TMEM117: variants seen among roughly 807,000 people sequenced by gnomAD.
TMEM117 encodes the protein transmembrane protein 117.
Under a neutral mutation model 52.4 loss-of-function variants are expected in TMEM117, and 27 were observed. That is an observed-to-expected ratio of 0.51 (90% CI 0.38 to 0.71). The LOEUF (loss-of-function observed/expected upper bound fraction) is 0.71, where lower values mean the gene tolerates loss of function less well. Among genes scored for constraint, TMEM117 ranks in the 30% least tolerant of loss-of-function variants. TMEM117 has a pLI of 0.00. For missense variants in TMEM117, 556 were observed against 630.5 expected, an observed-to-expected ratio of 0.88 and a Z score of 1.26; for synonymous variants, 215 against 206.3, an observed-to-expected ratio of 1.04 and a Z score of -0.36.
chr12:43,955,436 T>C (rs997713388), intron 3 of TMEM117, among the ~76,000 whole-genome samples: 15 of 152,320 alleles, frequency 9.8e-5, no homozygotes, highest in Non-Finnish European at 1.9e-4. Context: ...TAAACAACTT[T>C]AGTGAAGTAT....
chr12:43,889,647 T>G (rs1944066079), intron 2 of TMEM117, among the ~76,000 whole-genome samples: 1 of 152,190 alleles, frequency 6.6e-6, no homozygotes, highest in African/African-American at 2.4e-5. Flanking sequence ...GAAAGTAGGA[T>G]TTATCTTTTT....
intron 2 of TMEM117, among the ~76,000 whole-genome samples, chr12:43,862,132 A>G (rs774945271): frequency 2.3e-4 from 35 of 152,140 alleles, no homozygotes; most frequent in Non-Finnish European, 4.3e-4. Flanking sequence ...AGGGCCCTTA[A>G]CTGATCCTCA....
At chr12:44,316,412 A>G (rs1348219811) in intron 6 of TMEM117, among the ~76,000 whole-genome samples, 1 of 151,982 alleles carries the variant, frequency 6.6e-6, no homozygotes, top group African/African-American at 2.4e-5. Flanking sequence ...TAGGCCCCCA[A>G]TCTCTTCTGG....
At chr12:44,332,507 T>C (rs1292547677) in intron 6 of TMEM117, among the ~76,000 whole-genome samples, 1 of 152,064 alleles carries the variant, frequency 6.6e-6, no homozygotes, top group African/African-American at 2.4e-5. Flanking sequence ...AGATCCCTGT[T>C]GTAATCTAAG....
chr12:43,858,718 TAC>T (rs1943439672), intron 2 of TMEM117, among the ~76,000 whole-genome samples: 1 of 152,212 alleles, frequency 6.6e-6, no homozygotes, highest in Admixed American at 6.6e-5. Context: ...AACCAGCAAA[TAC>T]ACACAAACCT....
intron 4 of TMEM117, among the ~76,000 whole-genome samples, chr12:44,201,010 T>C (rs1209445535): frequency 2.0e-5 from 3 of 152,064 alleles, no homozygotes; most frequent in Non-Finnish European, 4.4e-5. Flanking sequence ...CCAGCAGAAG[T>C]TGGAAGAGTC....
chr12:44,079,135 T>C (rs1484614147), intron 3 of TMEM117, among the ~76,000 whole-genome samples: 2 of 152,098 alleles, frequency 1.3e-5, no homozygotes, highest in African/African-American at 4.8e-5. Flanking sequence ...TGGGTTGGTT[T>C]CAAGTCTTTG....
At chr12:43,840,097 A>C (rs1211883115) in intron 1 of TMEM117, among the ~76,000 whole-genome samples, 1 of 152,178 alleles carries the variant, frequency 6.6e-6, no homozygotes, top group Non-Finnish European at 1.5e-5. Flanking sequence ...TTTTAATATC[A>C]GATGGCTTTA....
chr12:44,123,244 GT>G lies in TMEM117; in HGVS notation c.411-20271del, dbSNP rs146192762. ...TGTCCTTTGCCTACTTTTTAATGGGGTTTTTTTTTTCTCGTAAATTTGTTTA... is the reference window on the plus strand; with the variant it reads ...TGTCCTTTGCCTACTTTTTAATGGGGTTTTTTTTTCTCGTAAATTTGTTTA... On this transcript the variant is annotated intron_variant, in intron 3 of 7. Coordinates refer to ENST00000266534, the MANE Select transcript of TMEM117 (RefSeq NM_032256.3). Among the ~76,000 whole-genome samples the G allele has an allele frequency of 8.7e-3, 1,277 of 147,442 alleles. 13 individuals carry two copies. The highest frequency in any genetic ancestry group is 0.029 in the African/African-American group (1,178 of 40,468).
At chr12:44,242,796 G>A (rs1950079916) in intron 5 of TMEM117, among the ~76,000 whole-genome samples, 1 of 150,314 alleles carries the variant, frequency 6.7e-6, no homozygotes, top group South Asian at 2.1e-4. Flanking sequence ...GGATTGCTGG[G>A]TCAAATGGTA....
intron 2 of TMEM117, among the ~76,000 whole-genome samples, chr12:43,899,787 C>A (rs1428315083): frequency 6.6e-6 from 1 of 152,152 alleles, no homozygotes; most frequent in African/African-American, 2.4e-5. Context: ...CTGGCAGGAT[C>A]TTTAGTCCTA....
intron 3 of TMEM117, among the ~76,000 whole-genome samples, chr12:44,101,969 G>C (rs1454590588): frequency 2.0e-5 from 3 of 152,046 alleles, no homozygotes; most frequent in African/African-American, 7.2e-5. Context: ...ATCATAAACT[G>C]ATCTATACAC....
chr12:43,796,359 G>A, the TMEM117 span, among the ~76,000 whole-genome samples: 1 of 152,054 alleles, frequency 6.6e-6, no homozygotes, highest in Admixed American at 6.5e-5. Context: ...AAAAACACTG[G>A]TAGTTTTTAA....
chr12:44,251,298 G>A (rs1565637843), intron 5 of TMEM117, among the ~76,000 whole-genome samples: 1 of 152,138 alleles, frequency 6.6e-6, no homozygotes, highest in Non-Finnish European at 1.5e-5. Flanking sequence ...AAATCCCAGG[G>A]AGGCATTTAA....
At chr12:43,995,505 G>A (rs73087603) in intron 3 of TMEM117, among the ~76,000 whole-genome samples, 13,852 of 152,230 alleles carry the variant, frequency 0.091, 996 homozygotes, top group African/African-American at 0.19. Context: ...AGAAGCCATC[G>A]CTAGTGATTA....
At chr12:44,295,631 T>C (rs1180993580) in intron 5 of TMEM117, among the ~76,000 whole-genome samples, 1 of 152,162 alleles carries the variant, frequency 6.6e-6, no homozygotes, top group African/African-American at 2.4e-5. Context: ...TAGCTCTCTT[T>C]TGAATTTTTC....
chr12:44,030,784 T>C (rs1365676811), intron 3 of TMEM117, among the ~76,000 whole-genome samples: 3 of 152,176 alleles, frequency 2.0e-5, no homozygotes, highest in Admixed American at 6.5e-5. Flanking sequence ...TTAAGTTAAA[T>C]AGGATAAAGC....
At chr12:43,824,240 G>T in the TMEM117 span, among the ~76,000 whole-genome samples, 1 of 152,206 alleles carries the variant, frequency 6.6e-6, no homozygotes, top group South Asian at 2.1e-4. Flanking sequence ...AAACGAGGTG[G>T]CATTGCTTTC....
chr12:44,170,208 A>G (rs948973458), intron 4 of TMEM117, among the ~76,000 whole-genome samples: 4 of 148,432 alleles, frequency 2.7e-5, no homozygotes, highest in African/African-American at 9.9e-5. Flanking sequence ...AAAACCAAAC[A>G]CCACATGTTC....
Sources: allele counts gnomAD v4.1 joint callset (sites outside exome capture counted in the v4.1 genomes callset), GRCh38; gene constraint gnomAD v4.1.1; transcripts MANE v1.5; gene names NCBI Gene and HGNC (gene_info 2026-07-23, HGNC 2026-07-21).